ZNF638: variants seen among roughly 807,000 people sequenced by gnomAD.
ZNF638 encodes the protein zinc finger protein 638, also known as CTCL tumor antigen se33-1.
Under a neutral mutation model 195.6 loss-of-function variants are expected in ZNF638, and 46 were observed. The ratio of observed to expected loss-of-function variants is 0.24; its 90% CI spans 0.19 to 0.30. The LOEUF is 0.30. Among genes scored for constraint, ZNF638 ranks in the 10% least tolerant of loss-of-function variants. The pLI, the probability that ZNF638 is intolerant of heterozygous loss-of-function variation, is 1.00. For missense variants in ZNF638, 2,440 were observed against 2,325.3 expected, an observed-to-expected ratio of 1.05 and a Z score of -1.01; for synonymous variants, 845 against 772.0, an observed-to-expected ratio of 1.09 and a Z score of -1.57.
In ZNF638 at chr2:71,426,638, G is replaced by T. The variant is rs149013084; in HGVS notation, c.4769G>T (p.Arg1590Leu). ...AAAAAGGGGAAAACTTCCACTCCTC[G>T]TGGTGTTGAGGGAGAACTATCTTTT... ...KKKKGKTSTP[R>L]GVEGELSFVT... is the part of the protein sequence containing the mutation. Residue 1590 changes from arginine (R) to leucine (L), a missense_variant, in exon 24 of 28, where the codon CGT becomes CTT. By Grantham distance (102) the Arg-to-Leu change is moderately radical (BLOSUM62 -2). Transcript: ENST00000264447. 1.9e-6 allele frequency: 3 copies of T among 1,614,150 alleles called. No homozygotes were observed. In the East Asian group the frequency reaches 6.7e-5, roughly 36 times the overall value.
In ZNF638 at chr2:71,423,632, C is replaced by A; in HGVS notation, c.4118C>A (p.Pro1373His). Residue 1373 changes from proline (P) to histidine (H), a missense_variant, in exon 22 of 28, where the codon CCT becomes CAT. Physicochemically the swap from Pro to His is moderately conservative, Grantham distance 77 (BLOSUM62 -2). Transcript: ENST00000264447. ...PNKGVGQANKPDETSKTSILA... is the reference protein window; with the variant it reads ...PNKGVGQANKHDETSKTSILA... ...AAAGGAGTGGGTCAGGCTAATAAGC[C>A]TGATGAAACTAGTAAAACTAGTATT... 1 of 1,613,784 alleles carries A rather than the reference C, an allele frequency of 6.2e-7. No individual in the cohort carries two copies. Among genetic ancestry groups the A allele is most frequent in the Non-Finnish European group, 8.5e-7 (1 of 1,179,956 alleles).
At chr2:71,354,433 A>G (rs2104210260) in intron 2 of ZNF638, among the ~76,000 whole-genome samples, 1 of 152,002 alleles carries the variant, frequency 6.6e-6, no homozygotes, top group African/African-American at 2.4e-5. Flanking sequence ...AAATGAAGTA[A>G]TGTATAAGAA....
intron 4 of ZNF638, 60 bp from the exon 5 acceptor site, chr2:71,363,894 T>C: frequency 6.5e-7 from 1 of 1,533,172 alleles, no homozygotes. Context: ...CTGTCATTTA[T>C]TATCATTTAA....
At position 71,401,985 on chromosome 2, in the gene ZNF638, C is replaced by G; in HGVS notation, c.2727C>G (p.Val909=). The change falls in exon 16 of 28, where the codon GTC becomes GTG. Residue 909 remains valine (V), a synonymous_variant. Transcript: ENST00000264447. ...KETEEMCVML[V]SNLPNKGYSV... ...CAGAAGAAATGTGTGTGATGCTTGT[C>G]TCTAATTTGCCTAATAAAGGATATT... 2 of 1,596,824 alleles carry G rather than the reference C, an allele frequency of 1.3e-6. No homozygotes were observed. The highest frequency in any genetic ancestry group is 1.7e-6 in the Non-Finnish European group (2 of 1,170,124).
At chr2:71,379,114 C>T (rs968343059) in intron 8 of ZNF638, among the ~76,000 whole-genome samples, 1 of 151,942 alleles carries the variant, frequency 6.6e-6, no homozygotes, top group African/African-American at 2.4e-5. Context: ...CATTACGAGG[C>T]GATTGTAGTA....
chr2:71,355,404 G>GT (rs201884946), intron 2 of ZNF638, among the ~76,000 whole-genome samples: 6,140 of 152,188 alleles, frequency 0.04, 157 homozygotes, highest in Non-Finnish European at 0.06. Context: ...TTTGCAGTAA[G>GT]TTTTTTCTGA....
At chr2:71,365,793 C>A in intron 6 of ZNF638, 87 bp downstream of exon 6, 1 of 1,278,706 alleles carries the variant, frequency 7.8e-7, no homozygotes, top group Non-Finnish European at 1.1e-6. Context: ...AAGCATGGCT[C>A]ACTGCAGCCT....
chr2:71,421,302 G>A (rs2080426945), intron 21 of ZNF638, among the ~76,000 whole-genome samples: 1 of 151,682 alleles, frequency 6.6e-6, no homozygotes, highest in Non-Finnish European at 1.5e-5. Context: ...ATTGTGAATT[G>A]TAAAGATTTG....
intron 1 of ZNF638, among the ~76,000 whole-genome samples, chr2:71,343,110 C>G (rs2078789998): frequency 6.6e-6 from 1 of 152,180 alleles, no homozygotes; most frequent in Non-Finnish European, 1.5e-5. Flanking sequence ...AAACTCAATT[C>G]AAGCATTTCT....
At chr2:71,425,709 C>T (rs2080525711) in intron 23 of ZNF638, among the ~76,000 whole-genome samples, 1 of 151,924 alleles carries the variant, frequency 6.6e-6, no homozygotes, top group Non-Finnish European at 1.5e-5. Context: ...CACTCCTGTC[C>T]CCCAGGCTGG....
chr2:71,419,375 T>C (rs1183360557), intron 21 of ZNF638, among the ~76,000 whole-genome samples: 1 of 152,196 alleles, frequency 6.6e-6, no homozygotes, highest in Non-Finnish European at 1.5e-5. Flanking sequence ...TGTAAGAGCG[T>C]ATATTTGTTT....
chr2:71,421,011 T>G (rs1166493041), intron 21 of ZNF638, among the ~76,000 whole-genome samples: 1 of 152,152 alleles, frequency 6.6e-6, no homozygotes, highest in East Asian at 1.9e-4. Flanking sequence ...ATTGAAAAAC[T>G]TGTGAAGGGG....
At chr2:71,360,634 A>C (rs1294529190) in intron 3 of ZNF638, among the ~76,000 whole-genome samples, 1 of 151,422 alleles carries the variant, frequency 6.6e-6, no homozygotes, top group African/African-American at 2.4e-5. Flanking sequence ...TTTTTCCTTG[A>C]AATGTCTGGG....
intron 21 of ZNF638, among the ~76,000 whole-genome samples, chr2:71,419,468 A>G (rs2080376682): frequency 1.3e-5 from 2 of 152,192 alleles, no homozygotes; most frequent in Non-Finnish European, 2.9e-5. Context: ...GAAAAACAGA[A>G]CGTCTTAGCG....
At position 71,423,226 on chromosome 2, in the gene ZNF638, G is replaced by A. The variant is rs1233129335; in HGVS notation, c.3712G>A (p.Gly1238Arg). Reference protein sequence around the residue: ...SVFAEERNLKGILEESPSEAE... With the variant: ...SVFAEERNLKRILEESPSEAE... The stretch of plus-strand genomic sequence containing the variant: ...GTTTGCAGAAGAAAGGAACCTCAAA[G>A]GAATTCTAGAAGAATCTCCATCTGA... Residue 1238 changes from glycine (G) to arginine (R), a missense_variant, in exon 22 of 28, where the codon GGA becomes AGA. Physicochemically the swap from Gly to Arg is moderately radical, Grantham distance 125. Coordinates refer to ENST00000264447, the MANE Select transcript of ZNF638 (RefSeq NM_014497.5). 1.9e-6 allele frequency: 3 copies of A among 1,613,916 alleles called. No individual in the cohort carries two copies. The African/African-American group carries it at 4.0e-5, about 22-fold the overall frequency.
At chr2:71,384,699 T>C (rs2542524) in intron 10 of ZNF638, among the ~76,000 whole-genome samples, 15,014 of 152,262 alleles carry the variant, frequency 0.099, 802 homozygotes, top group Non-Finnish European at 0.12. Flanking sequence ...TTTTTTTCTC[T>C]TGTTATGGCT....
chr2:71,433,928 G>C (rs557013800), intron 27 of ZNF638, among the ~76,000 whole-genome samples: 1 of 152,294 alleles, frequency 6.6e-6, no homozygotes, highest in Admixed American at 6.5e-5. Flanking sequence ...AGGAGGTTAC[G>C]TATCTAAACC....
chr2:71,423,865 G>A lies in ZNF638; in HGVS notation c.4351G>A (p.Glu1451Lys). Residue 1451 changes from glutamate to lysine, a missense_variant, in exon 22 of 28, where the codon GAA (glutamate) becomes AAA (lysine). This residue lies in a region of ZNF638 where 1,883 missense variants were observed against 1,739.1 expected (regional missense o/e 1.08). Transcript: ENST00000264447. Reference protein sequence around the residue: ...KPTSARSGLAESSSKFKPTQS... With the variant: ...KPTSARSGLAKSSSKFKPTQS... ...CACAAGTGCCAGGTCAGGCTTGGCA[G>A]AAAGCAGCAGTAAATTCAAACCTAC... is the stretch of plus-strand genomic sequence containing the variant. 1 of 1,614,118 alleles carries A rather than the reference G, an allele frequency of 6.2e-7. No homozygotes were observed. The highest frequency in any genetic ancestry group is 1.3e-5 in the African/African-American group (1 of 75,058).
chr2:71,427,466 A>C (rs999223285), intron 24 of ZNF638, 52 bp downstream of exon 24: 2 of 1,343,256 alleles, frequency 1.5e-6, no homozygotes, highest in Non-Finnish European at 1.0e-6. Context: ...ATTACATTTA[A>C]AATTAATTTT....
Sources: gnomAD v4.1 joint callset for allele counts (sites outside exome capture counted in the v4.1 genomes callset) on GRCh38, gnomAD v4.1.1 for gene constraint, gnomAD v4.1.1 regional missense constraint, MANE v1.5 for transcripts, NCBI Gene and HGNC (gene_info 2026-07-23, HGNC 2026-07-21) for gene names.